TCTN3: variants seen among roughly 807,000 people sequenced by gnomAD.
TCTN3 encodes tectonic-3.
A neutral mutation model predicts 71.3 loss-of-function variants in TCTN3; 57 were observed. The ratio of observed to expected loss-of-function variants is 0.80; its 90% CI spans 0.65 to 1.00. The LOEUF (loss-of-function observed/expected upper bound fraction) is 1.00. Among genes scored for constraint, TCTN3 ranks in the 50% least tolerant of loss-of-function variants. The pLI is 0.00. For synonymous variants in TCTN3, 258 were observed against 267.8 expected (o/e 0.96, Z 0.36); for missense variants, 696 against 719.9 (o/e 0.97, Z 0.38).
At chr10:95,682,859 A>T in intron 11 of TCTN3, 55 bp from the exon 12 acceptor site, 1 of 1,558,860 alleles carries the variant, frequency 6.4e-7, no homozygotes, top group Non-Finnish European at 8.7e-7. Context: ...TAATATACCT[A>T]TATTAGTACG....
At chr10:95,673,366 C>A (rs551859860) in intron 13 of TCTN3, among the ~76,000 whole-genome samples, 22 of 152,130 alleles carry the variant, frequency 1.4e-4, no homozygotes, top group African/African-American at 5.3e-4. Flanking sequence ...GACTGAGATA[C>A]AAGTTAGAGT....
At chr10:95,685,463 G>T in intron 8 of TCTN3, 93 bp downstream of exon 8, 1 of 963,744 alleles carries the variant, frequency 1.0e-6, no homozygotes, top group Non-Finnish European at 1.5e-6. Flanking sequence ...ACAAAATTCA[G>T]TTGGGTCAGT....
chr10:95,680,424 A>G (rs766638812), intron 13 of TCTN3, 48 bp downstream of exon 13: 1 of 1,547,304 alleles, frequency 6.5e-7, no homozygotes, highest in East Asian at 2.4e-5. Flanking sequence ...CTGATAAGAC[A>G]ATCTAGGCTT....
chr10:95,676,752 T>C (rs575286956), intron 13 of TCTN3, among the ~76,000 whole-genome samples: 12 of 152,270 alleles, frequency 7.9e-5, no homozygotes, highest in East Asian at 1.9e-4. Context: ...GCTACTTCTA[T>C]AGAAGCTTGG....
At chr10:95,692,580 C>CA (rs11346971) in intron 3 of TCTN3, among the ~76,000 whole-genome samples, 25 of 143,020 alleles carry the variant, frequency 1.7e-4, no homozygotes, top group African/African-American at 5.7e-4. Flanking sequence ...ATTCAAAGGA[C>CA]AAAAAAAAAA....
At chr10:95,684,291 T>C (rs1233164404) in intron 9 of TCTN3, among the ~76,000 whole-genome samples, 3 of 152,158 alleles carry the variant, frequency 2.0e-5, no homozygotes, top group Admixed American at 6.5e-5. Flanking sequence ...AGACAGAGAA[T>C]TGGAGAAAAT....
At chr10:95,687,013 G>A in intron 6 of TCTN3, 31 bp downstream of exon 6, 1 of 1,534,530 alleles carries the variant, frequency 6.5e-7, no homozygotes, top group Non-Finnish European at 9.0e-7. Context: ...CTTCATAGTA[G>A]TGACAGTGTA....
intron 3 of TCTN3, among the ~76,000 whole-genome samples, chr10:95,691,717 T>C (rs1460051229): frequency 6.6e-6 from 1 of 152,238 alleles, no homozygotes; most frequent in Non-Finnish European, 1.5e-5. Context: ...AAAAGATAGA[T>C]TAGCTTCATA....
chr10:95,683,652 T>C (rs943879674), intron 9 of TCTN3, 23 bp from the exon 10 acceptor site: 1 of 1,582,034 alleles, frequency 6.3e-7, no homozygotes, highest in South Asian at 1.1e-5. Flanking sequence ...GGAAGAGAAG[T>C]CAATTATGGA....
intron 10 of TCTN3, 43 bp downstream of exon 10, chr10:95,683,479 T>C: frequency 6.2e-7 from 1 of 1,614,112 alleles, no homozygotes; most frequent in South Asian, 1.1e-5. Context: ...TTGCAGCTTT[T>C]CTCATTAGGC....
At chr10:95,677,076 A>G (rs1222963454) in intron 13 of TCTN3, among the ~76,000 whole-genome samples, 1 of 152,206 alleles carries the variant, frequency 6.6e-6, no homozygotes, top group African/African-American at 2.4e-5. Context: ...TAAATATTAT[A>G]ATTTTAGAAA....
At chr10:95,691,076 A>C (rs553651593) in intron 3 of TCTN3, among the ~76,000 whole-genome samples, 23 of 152,316 alleles carry the variant, frequency 1.5e-4, no homozygotes, top group African/African-American at 5.5e-4. Flanking sequence ...TGGGGATCAA[A>C]AGCAGGGAGC....
chr10:95,677,473 A>ACATTTTTTTTT (rs57706369), intron 13 of TCTN3, among the ~76,000 whole-genome samples: 3 of 24,114 alleles, frequency 1.2e-4, no homozygotes, highest in African/African-American at 2.7e-4. Flanking sequence ...TGAAGTCTAC[A>ACATTTTTTTTT]GTTTTTTTTG....
chr10:95,664,354 CT>C, intron 13 of TCTN3, 54 bp from the exon 14 acceptor site: 1 of 1,441,394 alleles, frequency 6.9e-7, no homozygotes. Context: ...TCATATAGCA[CT>C]CTAACTTGGC....
chr10:95,669,154 C>T (rs568928195), intron 13 of TCTN3, among the ~76,000 whole-genome samples: 16 of 152,080 alleles, frequency 1.1e-4, no homozygotes, highest in East Asian at 5.8e-4. Context: ...GGAAAATAAC[C>T]GACCTACAAA....
intron 13 of TCTN3, among the ~76,000 whole-genome samples, chr10:95,672,432 T>A (rs139111860): frequency 1.9e-3 from 296 of 152,154 alleles, no homozygotes; most frequent in African/African-American, 6.8e-3. Context: ...GGAGTAAAAT[T>A]GTGGATTCAT....
intron 9 of TCTN3, 63 bp downstream of exon 9, chr10:95,684,436 A>T: frequency 3.8e-6 from 6 of 1,578,236 alleles, no homozygotes; most frequent in Non-Finnish European, 5.2e-6. Flanking sequence ...ACAGAAGCAA[A>T]GAAATTATTT....
Position 95,664,104 on chromosome 10 carries a change from A to T in TCTN3, c.1787T>A (p.Leu596His). 1 of 1,614,122 alleles carries T rather than the reference A, an allele frequency of 6.2e-7. No homozygotes were observed. The highest frequency in any genetic ancestry group is 8.5e-7 in the Non-Finnish European group (1 of 1,180,022). Reference sequence around the variant, plus strand: ...TAGGTTGAGAACTCCAAGTAGTAAGAGGCACAGGATAAGGATGGGAGAGAC... The same window carrying T: ...TAGGTTGAGAACTCCAAGTAGTAAGTGGCACAGGATAAGGATGGGAGAGAC... ...CSVSPILILC[L>H]LLLGVLNLET... The change falls in exon 14 of 14, where the codon CTC becomes CAC. Residue 596 changes from leucine (L) to histidine (H), a missense_variant. Leu to His is a moderately conservative substitution (Grantham distance 99, BLOSUM62 -3). Transcript: ENST00000371217.
In TCTN3 at chr10:95,663,763, T is replaced by G. The variant is rs2097923663; in HGVS notation, c.*304A>C. ...CTGATGGATCCAGACCTTGTAAACA[T>G]TCAGCTAGGTGTAACATAACCAGAA... On this transcript the variant is annotated 3_prime_UTR_variant, in exon 14 of 14. Transcript: ENST00000371217. 1 of 305,472 alleles carries G rather than the reference T, an allele frequency of 3.3e-6. No homozygotes were observed. Among genetic ancestry groups the G allele is most frequent in the African/African-American group, 2.1e-5 (1 of 46,586 alleles). 18.9% of individuals were successfully genotyped at this position (305,472 alleles called of 1,614,324 possible).
Sources: gnomAD v4.1 joint callset for allele counts (sites outside exome capture counted in the v4.1 genomes callset) on GRCh38, gnomAD v4.1.1 for gene constraint, MANE v1.5 for transcripts, NCBI Gene and HGNC (gene_info 2026-07-23, HGNC 2026-07-21) for gene names.